Variants in FAM135A observed in about 807,000 individuals in gnomAD.
FAM135A encodes the protein protein FAM135A.
Under a neutral mutation model 146.8 loss-of-function variants are expected in FAM135A, and 79 were observed. The observed-to-expected ratio is 0.54, with a 90% confidence interval of 0.45 to 0.65. FAM135A has a LOEUF of 0.65. FAM135A is among the 30% of genes least tolerant of loss of function. The pLI is 0.00. For missense variants in FAM135A, 1,623 were observed against 1,758.2 expected, an observed-to-expected ratio of 0.92 and a Z score of 1.38; for synonymous variants, 562 against 603.6, an observed-to-expected ratio of 0.93 and a Z score of 1.01.
At chr6:70,511,373 T>G (rs1790968475) in intron 12 of FAM135A, among the ~76,000 whole-genome samples, 1 of 151,938 alleles carries the variant, frequency 6.6e-6, no homozygotes, top group Admixed American at 6.6e-5. Context: ...ATAAAAAATT[T>G]TAAAGATATA....
chr6:70,500,501 C>T (rs1788249016), intron 11 of FAM135A, among the ~76,000 whole-genome samples: 4 of 152,182 alleles, frequency 2.6e-5, no homozygotes, highest in Non-Finnish European at 5.9e-5. Flanking sequence ...CAGTCTCACT[C>T]TCCGTCCAGT....
Position 70,556,798 on chromosome 6 carries a change from G to A in FAM135A, c.4277G>A (p.Arg1426His), listed in dbSNP as rs776446777. ...GTGCTAGTGGGATCCCTACAGGATC[G>A]CTATGTTCCTTATCACTCTGCCCGC... ...NVVLVGSLQDRYVPYHSARIE... is the reference protein window; with the variant it reads ...NVVLVGSLQDHYVPYHSARIE... The change falls in exon 21 of 22, where the codon CGC (arginine) becomes CAC (histidine). Residue 1426 changes from arginine to histidine, a missense_variant. Transcript: ENST00000418814. 1.2e-6 allele frequency: 2 copies of A among 1,613,878 alleles called. No individual in the cohort carries two copies. The highest frequency in any genetic ancestry group is 1.7e-6 in the Non-Finnish European group (2 of 1,179,968).
At chr6:70,422,320 C>T in intron 2 of FAM135A, among the ~76,000 whole-genome samples, 1 of 152,326 alleles carries the variant, frequency 6.6e-6, no homozygotes, top group Non-Finnish European at 1.5e-5. Context: ...GATCCCCTTT[C>T]ACTCCAACAG....
chr6:70,530,072 A>T (rs184998933), intron 16 of FAM135A, among the ~76,000 whole-genome samples: 1,733 of 152,264 alleles, frequency 0.011, 16 homozygotes, highest in African/African-American at 0.026. Flanking sequence ...TCAAAAAAAA[A>T]AATAATAATA....
At chr6:70,440,754 C>G (rs890282263) in intron 4 of FAM135A, among the ~76,000 whole-genome samples, 2 of 152,016 alleles carry the variant, frequency 1.3e-5, no homozygotes, top group Non-Finnish European at 2.9e-5. Flanking sequence ...AAATGAGAGT[C>G]TGGTCTCAAA....
At chr6:70,530,074 A>G (rs902313831) in intron 16 of FAM135A, among the ~76,000 whole-genome samples, 1 of 150,984 alleles carries the variant, frequency 6.6e-6, no homozygotes, top group Non-Finnish European at 1.5e-5. Flanking sequence ...AAAAAAAAAA[A>G]TAATAATAAT....
At chr6:70,417,039 C>G (rs971616012) in intron 2 of FAM135A, among the ~76,000 whole-genome samples, 1 of 151,982 alleles carries the variant, frequency 6.6e-6, no homozygotes, top group Non-Finnish European at 1.5e-5. Context: ...AAGTATCAGG[C>G]ATATTATACC....
rs1582026120 is a variant in FAM135A, at chr6:70,428,366, A to G, written c.24A>G (p.Val8=). The G allele has an allele frequency of 6.2e-7, 1 of 1,603,304 alleles. No homozygotes were observed. Among genetic ancestry groups the G allele is most frequent in the Non-Finnish European group, 8.5e-7 (1 of 1,175,042 alleles). The stretch of plus-strand genomic sequence containing the variant: ...AAATGACTGAAGTTCAAGCAATGGT[A>G]GAATTCTCTGTGGAGCTAAACAAGT... MTEVQAM[V]EFSVELNKFY... is the part of the protein sequence containing the mutation. The change falls in exon 4 of 22, where the codon GTA becomes GTG. Residue 8 remains valine, a synonymous_variant. Transcript: ENST00000418814.
Position 70,480,998 on chromosome 6 carries a change from A to G in FAM135A, c.640A>G (p.Ile214Val). 6.2e-7 allele frequency: 1 copy of G among 1,611,636 alleles called. No homozygotes were observed. The highest frequency in any genetic ancestry group is 8.5e-7 in the Non-Finnish European group (1 of 1,178,752). ...IPTLESVVFG[I>V]NYTKQLSPDG... ...TACTCTTGAAAGTGTGGTCTTTGGTATTAACTACACAAAACAGTTATCACC... is the reference window on the plus strand; with the variant it reads ...TACTCTTGAAAGTGTGGTCTTTGGTGTTAACTACACAAAACAGTTATCACC... Residue 214 changes from isoleucine to valine, a missense_variant, in exon 9 of 22, where the codon ATT (isoleucine) becomes GTT (valine). This residue lies in a region of FAM135A where 206 missense variants were observed against 194.7 expected (regional missense o/e 1.06). Transcript: ENST00000418814.
chr6:70,468,394 T>G (rs1033945852), intron 5 of FAM135A, among the ~76,000 whole-genome samples: 2 of 152,172 alleles, frequency 1.3e-5, no homozygotes, highest in Non-Finnish European at 2.9e-5. Context: ...TAGCTACCCT[T>G]ATAAAAGATA....
chr6:70,528,107 A>G (rs1193533285), intron 15 of FAM135A, among the ~76,000 whole-genome samples, 185 bp from the exon 16 acceptor site: 4 of 152,230 alleles, frequency 2.6e-5, no homozygotes, highest in Non-Finnish European at 5.9e-5. Flanking sequence ...TTGATAGAAT[A>G]TGTACTACAA....
At chr6:70,546,651 A>T (rs9446264) in intron 20 of FAM135A, among the ~76,000 whole-genome samples, 3,225 of 152,118 alleles carry the variant, frequency 0.021, 108 homozygotes, top group African/African-American at 0.074. Context: ...TTGGGTGAGA[A>T]ATTACCTTTT....
At chr6:70,503,302 G>C (rs1196965955) in intron 12 of FAM135A, 4 of 152,136 alleles carry the variant, frequency 2.6e-5, no homozygotes, top group African/African-American at 7.2e-5. Context: ...TAATTTTATT[G>C]TATAGCATCT....
At chr6:70,474,325 A>G (rs1313929582) in intron 5 of FAM135A, among the ~76,000 whole-genome samples, 1 of 151,872 alleles carries the variant, frequency 6.6e-6, no homozygotes, top group African/African-American at 2.4e-5. Context: ...GCACAGGGTA[A>G]TAAGATCATA....
rs1329267936 is a variant in FAM135A at position 70,556,814 on chromosome 6, C to A, written c.4293C>A (p.His1431Gln). 2 of 1,614,008 alleles carry A rather than the reference C, an allele frequency of 1.2e-6. No homozygotes were observed. The highest frequency in any genetic ancestry group is 1.1e-5 in the South Asian group (1 of 91,084). The change falls in exon 21 of 22, where the codon CAC becomes CAA. Residue 1431 changes from histidine (H) to glutamine (Q), a missense_variant. Physicochemically the swap from His to Gln is conservative, Grantham distance 24. Around this residue, in one of 7 missense-constraint regions of FAM135A, gnomAD observed 138 missense variants for 174.1 expected, o/e 0.79. Coordinates refer to ENST00000418814, the MANE Select transcript of FAM135A (RefSeq NM_001162529.3). ...GSLQDRYVPYHSARIEMCKTA... is the reference protein window; with the variant it reads ...GSLQDRYVPYQSARIEMCKTA... ...TACAGGATCGCTATGTTCCTTATCA[C>A]TCTGCCCGCATTGAAATGTGTAAAA...
chr6:70,463,912 G>A (rs975461359), intron 5 of FAM135A, among the ~76,000 whole-genome samples: 2 of 152,192 alleles, frequency 1.3e-5, no homozygotes, highest in African/African-American at 4.8e-5. Flanking sequence ...CCTGGTTTAA[G>A]AGATAGTGTT....
intron 20 of FAM135A, among the ~76,000 whole-genome samples, chr6:70,554,040 T>C (rs1007367806): frequency 6.6e-6 from 1 of 152,164 alleles, no homozygotes; most frequent in Non-Finnish European, 1.5e-5. Context: ...ATAGTGCGTA[T>C]TAAAGTGACA....
intron 4 of FAM135A, among the ~76,000 whole-genome samples, chr6:70,447,565 G>C (rs144371598): frequency 4.6e-5 from 7 of 152,268 alleles, no homozygotes; most frequent in Admixed American, 3.3e-4. Context: ...AAATCTACTG[G>C]GGCACTACCG....
In FAM135A at chr6:70,428,289, C is replaced by T. The variant is rs41265349; in HGVS notation, c.-39-15C>T. ...TGTTACGCTTCTCATGATTTTTTCC[C>T]TTTCCTTAACAAAGGTGCTGTTATC... On this transcript the variant is annotated splice_polypyrimidine_tract_variant and intron_variant, in intron 3 of 21. Coordinates refer to ENST00000418814, the MANE Select transcript of FAM135A (RefSeq NM_001162529.3). 0.15 allele frequency: 191,365 copies of T among 1,295,812 alleles called. 15,163 individuals carry two copies. The highest frequency in any genetic ancestry group is 0.16 in the Non-Finnish European group (151,433 of 945,662). The allele number at this position is 1,295,812 out of a possible 1,614,324, so 80.3% of individuals were successfully genotyped here.
Sources: allele counts gnomAD v4.1 joint callset (sites outside exome capture counted in the v4.1 genomes callset), GRCh38; gene constraint gnomAD v4.1.1; regional missense constraint gnomAD v4.1.1; transcripts MANE v1.5; gene names NCBI Gene and HGNC (gene_info 2026-07-23, HGNC 2026-07-21).